The following SMIM7 variants were observed in gnomAD, a reference collection of about 807,000 sequenced individuals.
SMIM7 encodes the protein UPF0608 protein C19orf42.
SMIM7 carries 12 observed loss-of-function variants against 13.3 expected under a neutral mutation model. The observed-to-expected ratio is 0.90, with a 90% CI of 0.58 to 1.46. The LOEUF (loss-of-function observed/expected upper bound fraction) is 1.46, where lower values mean the gene tolerates loss of function less well. SMIM7 is among the 40% of genes most tolerant of loss of function. The pLI is 0.00. For synonymous variants in SMIM7, 36 were observed against 35.8 expected, an observed-to-expected ratio of 1.01 and a Z score of -0.02; for missense variants, 114 against 94.8, an observed-to-expected ratio of 1.20 and a Z score of -0.84.
At chr19:16,659,087 G>A (rs1175025508) in intron 3 of SMIM7, 7 of 405,378 alleles carry the variant, frequency 1.7e-5, no homozygotes, top group Admixed American at 1.1e-4. Context: ...GTTCGAGACC[G>A]GCCTGGGCAA....
At chr19:16,658,124 T>A (rs2086620761) in intron 3 of SMIM7, among the ~76,000 whole-genome samples, 1 of 152,126 alleles carries the variant, frequency 6.6e-6, no homozygotes, top group Non-Finnish European at 1.5e-5. Flanking sequence ...TGACGCCGCC[T>A]CCTCAAATGG....
At chr19:16,659,260 A>C (rs2086637185) in intron 3 of SMIM7, 135 bp downstream of exon 3, 1 of 847,006 alleles carries the variant, frequency 1.2e-6, no homozygotes. Flanking sequence ...TCCAACCTGG[A>C]CAACAGAGCA....
intron 4 of SMIM7, chr19:16,636,169 G>A (rs904228794): frequency 6.6e-6 from 1 of 152,066 alleles, no homozygotes; most frequent in African/African-American, 2.4e-5. Context: ...GGTGTCATGA[G>A]GAAGACTTGA....
downstream of SMIM7, chr19:16,645,032 G>C (rs542498926): frequency 6.6e-6 from 1 of 152,164 alleles, no homozygotes; most frequent in African/African-American, 2.4e-5. Context: ...CAGAACATTA[G>C]TGCTTAAACA....
intron 4 of SMIM7, among the ~76,000 whole-genome samples, chr19:16,639,312 C>T (rs563846711): frequency 2.6e-5 from 4 of 151,808 alleles, no homozygotes; most frequent in Non-Finnish European, 5.9e-5. Context: ...TTAGTAGAGA[C>T]GGGGTTTCAC....
chr19:16,652,960 G>T, intron 4 of SMIM7: 1 of 1,550,320 alleles, frequency 6.5e-7, no homozygotes, highest in Non-Finnish European at 8.7e-7. Context: ...AGTTTTCTCA[G>T]CCTAATGAGA....
At chr19:16,635,425 GTA>G (rs1346426543) in intron 4 of SMIM7, among the ~76,000 whole-genome samples, 1 of 150,004 alleles carries the variant, frequency 6.7e-6, no homozygotes, top group Admixed American at 6.6e-5. Context: ...ACCAAATCAA[GTA>G]TAAGCCATTT....
chr19:16,656,069 C>A (rs1412858304), intron 3 of SMIM7, among the ~76,000 whole-genome samples: 2 of 152,154 alleles, frequency 1.3e-5, no homozygotes, highest in African/African-American at 4.8e-5. Context: ...GACCTCCCAC[C>A]ATCAACAGAT....
intron 4 of SMIM7, among the ~76,000 whole-genome samples, chr19:16,648,856 A>T (rs991310176): frequency 8.6e-5 from 13 of 151,710 alleles, no homozygotes; most frequent in African/African-American, 2.4e-4. Flanking sequence ...TAGAGACAAG[A>T]AGTACAAAAA....
downstream of SMIM7, chr19:16,645,792 G>A (rs1043842517): frequency 1.3e-5 from 2 of 151,588 alleles, no homozygotes; most frequent in African/African-American, 4.9e-5. Flanking sequence ...CACCCGAGTA[G>A]CTGGGATTAT....
In SMIM7 at chr19:16,659,939, T is replaced by C; in HGVS notation, c.68+20A>G. 6.2e-7 allele frequency: 1 copy of C among 1,605,502 alleles called. No homozygotes were observed. Among genetic ancestry groups the C allele is most frequent in the Non-Finnish European group, 8.5e-7 (1 of 1,176,586 alleles). ...ACGGGTTCCCCGGATGGAGCCGCAG[T>C]CCGGCCGCGACCTACTCACAGCTTA... On this transcript the variant is annotated intron_variant, in intron 2 of 4. Transcript: ENST00000487416.
At chr19:16,637,139 G>C (rs1163986523) in intron 4 of SMIM7, among the ~76,000 whole-genome samples, 1 of 152,168 alleles carries the variant, frequency 6.6e-6, no homozygotes, top group Non-Finnish European at 1.5e-5. Context: ...CCTGGCTACT[G>C]TGCTGCTGAA....
intron 4 of SMIM7, among the ~76,000 whole-genome samples, chr19:16,649,845 ATGC>A (rs1259626739): frequency 6.6e-6 from 1 of 152,196 alleles, no homozygotes; most frequent in East Asian, 1.9e-4. Flanking sequence ...CAAAAACATG[ATGC>A]TGAGTGAGAG....
downstream of SMIM7, among the ~76,000 whole-genome samples, chr19:16,643,556 C>T (rs2086420544): frequency 6.6e-6 from 1 of 152,082 alleles, no homozygotes; most frequent in Non-Finnish European, 1.5e-5. Flanking sequence ...GCCACTATGC[C>T]CAGCTAATAT....
downstream of SMIM7, among the ~76,000 whole-genome samples, chr19:16,644,436 C>CT (rs760428803): frequency 1.2e-3 from 168 of 137,382 alleles, no homozygotes; most frequent in East Asian, 2.8e-3. Flanking sequence ...CTGTTTGTAA[C>CT]TTTTTTTTTT....
At chr19:16,639,985 T>C (rs1441097879) in intron 4 of SMIM7, 2 of 152,170 alleles carry the variant, frequency 1.3e-5, no homozygotes, top group Non-Finnish European at 2.9e-5. Context: ...GTTTTGCTCT[T>C]GTTGCCCAGG....
chr19:16,637,238 A>G (rs1284643874), intron 4 of SMIM7, among the ~76,000 whole-genome samples: 1 of 152,080 alleles, frequency 6.6e-6, no homozygotes, highest in Non-Finnish European at 1.5e-5. Context: ...GTCCTTGATC[A>G]GGTGTGGTGG....
At chr19:16,635,899 A>AAAAAAAT (rs1200181092) in intron 4 of SMIM7, among the ~76,000 whole-genome samples, 17 of 109,578 alleles carry the variant, frequency 1.6e-4, no homozygotes, top group South Asian at 2.8e-4. Flanking sequence ...AAAAAAAAAA[A>AAAAAAAT]ATATATATAT....
chr19:16,645,163 A>G (rs576109985), downstream of SMIM7: 3 of 152,346 alleles, frequency 2.0e-5, no homozygotes, highest in South Asian at 6.2e-4. Context: ...TACAGCAGCC[A>G]CCAACCAGCA....
Sources: allele counts gnomAD v4.1 joint callset (sites outside exome capture counted in the v4.1 genomes callset), GRCh38; gene constraint gnomAD v4.1.1; transcripts MANE v1.5; gene names NCBI Gene and HGNC (gene_info 2026-07-23, HGNC 2026-07-21).